CACNA1C: variants seen among roughly 807,000 people sequenced by gnomAD.
CACNA1C encodes voltage-dependent L-type calcium channel subunit alpha-1C.
CACNA1C carries 30 observed loss-of-function variants against 229.0 expected under a neutral mutation model. The ratio of observed to expected loss-of-function variants is 0.13; its 90% confidence interval spans 0.10 to 0.18. The LOEUF is 0.18. Among genes scored for constraint, CACNA1C ranks in the 10% least tolerant of loss-of-function variants. CACNA1C has a pLI of 1.00. For missense variants in CACNA1C, 1,658 were observed against 2,845.0 expected (o/e 0.58, Z 9.49); for synonymous variants, 1,114 against 1,132.5 (o/e 0.98, Z 0.33).
intron 5 of CACNA1C, among the ~76,000 whole-genome samples, chr12:2,468,881 C>T (rs1452801821): frequency 6.6e-6 from 1 of 152,226 alleles, no homozygotes; most frequent in Non-Finnish European, 1.5e-5. Context: ...TGTATTCGCC[C>T]TAGAGTATTA....
At chr12:2,635,446 A>G (rs1309473424) in intron 30 of CACNA1C, among the ~76,000 whole-genome samples, 2 of 152,140 alleles carry the variant, frequency 1.3e-5, no homozygotes, top group Non-Finnish European at 2.9e-5. Flanking sequence ...CTTTTGATGC[A>G]CTGAACTATT....
intron 3 of CACNA1C, among the ~76,000 whole-genome samples, chr12:2,144,687 G>A (rs750034370): frequency 1.3e-5 from 2 of 151,330 alleles, no homozygotes; most frequent in East Asian, 1.9e-4. Context: ...AATGATCACT[G>A]TATTTCATGG....
At chr12:2,278,578 G>A (rs1006488966) in intron 3 of CACNA1C, among the ~76,000 whole-genome samples, 2 of 152,170 alleles carry the variant, frequency 1.3e-5, no homozygotes, top group African/African-American at 4.8e-5. Flanking sequence ...TGTACTGATA[G>A]CTTATTCCTT....
In CACNA1C at chr12:2,215,605, T is replaced by C. The variant is rs746369281; in HGVS notation, c.477+95175T>C. ...ATTGCACATGGACATAAAGGGGCAC[T>C]GCAGCCAGTCCCCTGTGGAGGATCA... On this transcript the variant is annotated intron_variant, in intron 3 of 46. Coordinates refer to ENST00000399655, the MANE Select transcript of CACNA1C (RefSeq NM_000719.7). This position sits in a 1 kb window ranked among gnomAD's most constrained non-coding sequence, Gnocchi z 5.0. Among the ~76,000 whole-genome samples the C allele has an allele frequency of 6.6e-6, 1 of 152,234 alleles. No homozygotes were observed. The highest frequency in any genetic ancestry group is 1.5e-5 in the Non-Finnish European group (1 of 68,050).
chr12:2,425,761 A>C (rs982315220), intron 3 of CACNA1C, among the ~76,000 whole-genome samples: 1 of 152,202 alleles, frequency 6.6e-6, no homozygotes, highest in Non-Finnish European at 1.5e-5. Flanking sequence ...AGTTCACTTT[A>C]AAGACTTTAC....
intron 3 of CACNA1C, among the ~76,000 whole-genome samples, chr12:2,165,457 T>C (rs2096165570): frequency 6.6e-6 from 1 of 152,190 alleles, no homozygotes; most frequent in Non-Finnish European, 1.5e-5. Flanking sequence ...GGCTCAGTGA[T>C]CTAAGCAATG....
chr12:2,044,531 G>T (rs1039934904), intron 1 of CACNA1C, among the ~76,000 whole-genome samples: 1 of 152,160 alleles, frequency 6.6e-6, no homozygotes, highest in Admixed American at 6.5e-5. Flanking sequence ...GAGTGAACTA[G>T]CCAAGTGTTA....
At chr12:2,185,618 A>C (rs1269450762) in intron 3 of CACNA1C, among the ~76,000 whole-genome samples, 2 of 152,234 alleles carry the variant, frequency 1.3e-5, no homozygotes, top group African/African-American at 4.8e-5. Context: ...ATGTGAAGAC[A>C]TGGGGAGAAG....
chr12:2,563,466 T>C (rs2048579837), intron 11 of CACNA1C, among the ~76,000 whole-genome samples: 1 of 152,222 alleles, frequency 6.6e-6, no homozygotes, highest in Admixed American at 6.5e-5. Context: ...TGTTAAGGTG[T>C]GGCCCTCACT....
Position 2,410,724 on chromosome 12 carries a change from A to C in CACNA1C, c.478-38252A>C, listed in dbSNP as rs1360388691. ...TGTGTGTGTGTGTGTGCGTGCACGC[A>C]TGTGTGTGTGTGCATGCGTGTGTGT... On this transcript the variant is annotated intron_variant, in intron 3 of 46. Transcript: ENST00000399655. This position sits in a 1 kb window ranked among gnomAD's most constrained non-coding sequence, Gnocchi z 5.3. 8.2e-6 allele frequency among the ~76,000 whole-genome samples: 1 copy of C among 121,694 alleles called. No individual in the cohort carries two copies. Among genetic ancestry groups the C allele is most frequent in the Non-Finnish European group, 1.7e-5 (1 of 58,622 alleles). 79.8% of individuals were successfully genotyped at this position (121,694 alleles called of 152,430 possible).
rs1004560431 is a variant in CACNA1C, at chr12:1,971,295, C to CT, written c.139+95dup. The CT allele has an allele frequency of 6.0e-6, 4 of 670,798 alleles. No homozygotes were observed. The highest frequency in any genetic ancestry group is 1.7e-5 in the South Asian group (1 of 57,352). 41.6% of individuals were successfully genotyped at this position (670,798 alleles called of 1,614,324 possible). On this transcript the variant is annotated intron_variant, in intron 1 of 46. Transcript: ENST00000682462. This position sits in a 1 kb window ranked among gnomAD's most constrained non-coding sequence, Gnocchi z 4.2. ...ATACCTAGAATGTGACTTCCTCACT[C>CT]TAAGAACTCATCTCTCCATATTTAA...
chr12:2,326,376 G>A (rs1178579874), intron 3 of CACNA1C, among the ~76,000 whole-genome samples: 1 of 152,108 alleles, frequency 6.6e-6, no homozygotes, highest in Non-Finnish European at 1.5e-5. Context: ...TCTAAACTAG[G>A]GCCCTAGGAA....
At chr12:2,524,083 G>A (rs1172212216) in intron 9 of CACNA1C, among the ~76,000 whole-genome samples, 1 of 152,138 alleles carries the variant, frequency 6.6e-6, no homozygotes, top group Non-Finnish European at 1.5e-5. Context: ...TTCCATCGTC[G>A]GGTGCATGGC....
chr12:2,069,971 C>T (rs1283425169), intron 1 of CACNA1C, among the ~76,000 whole-genome samples: 2 of 152,096 alleles, frequency 1.3e-5, no homozygotes, highest in Non-Finnish European at 2.9e-5. Context: ...TGCCTGGATA[C>T]ATTTTAAATT....
At chr12:2,183,356 C>T (rs1415768675) in intron 3 of CACNA1C, among the ~76,000 whole-genome samples, 4 of 152,206 alleles carry the variant, frequency 2.6e-5, no homozygotes, top group African/African-American at 7.2e-5. Flanking sequence ...CTAACACCTG[C>T]TCATAGGTCT....
intron 3 of CACNA1C, among the ~76,000 whole-genome samples, chr12:2,308,523 A>G (rs1035292477): frequency 6.6e-6 from 1 of 152,162 alleles, no homozygotes; most frequent in African/African-American, 2.4e-5. Context: ...TATGGTCTCT[A>G]TTCTGTCATT....
At chr12:2,511,097 A>G (rs1032691929) in intron 8 of CACNA1C, among the ~76,000 whole-genome samples, 1 of 152,228 alleles carries the variant, frequency 6.6e-6, no homozygotes, top group Admixed American at 6.5e-5. Context: ...AGCCCAAGAA[A>G]CAGCAAGTAC....
chr12:2,620,886 T>C (rs988396039), intron 29 of CACNA1C, among the ~76,000 whole-genome samples: 2 of 152,206 alleles, frequency 1.3e-5, no homozygotes. Flanking sequence ...CATGCATGAA[T>C]GGATGAATGA....
rs114624062 is a variant in CACNA1C, at chr12:2,467,866, G to A, written c.757+10160G>A. ...CCACTCAGAGTCCCGACCCTGCTGC[G>A]ACTTCTCTGTTGCCCTGCCAGGTGC... is the stretch of plus-strand genomic sequence containing the variant. On this transcript the variant is annotated intron_variant, in intron 5 of 46. Coordinates refer to ENST00000399655, the MANE Select transcript of CACNA1C (RefSeq NM_000719.7). This position sits in a 1 kb window ranked among gnomAD's most constrained non-coding sequence, Gnocchi z 4.6. Among the ~76,000 whole-genome samples, 1,346 of 152,320 alleles carry A rather than the reference G, an allele frequency of 8.8e-3. 18 individuals are homozygous for A. Among genetic ancestry groups the A allele is most frequent in the African/African-American group, 0.028 (1,173 of 41,568 alleles).
Sources: allele counts gnomAD v4.1 joint callset (sites outside exome capture counted in the v4.1 genomes callset), GRCh38; gene constraint gnomAD v4.1.1; non-coding constraint Gnocchi (gnomAD v3.1); transcripts MANE v1.5; gene names NCBI Gene and HGNC (gene_info 2026-07-23, HGNC 2026-07-21).